LIMS1: variants seen among roughly 807,000 people sequenced by gnomAD.
The protein encoded by LIMS1 is LIM zinc finger domain containing 1.
LIMS1 carries 18 observed loss-of-function variants against 44.1 expected under a neutral mutation model. That is an observed-to-expected ratio of 0.41 (90% CI 0.28 to 0.61). The LOEUF (loss-of-function observed/expected upper bound fraction) is 0.61, where lower values mean the gene tolerates loss of function less well. Ranked by LOEUF, LIMS1 falls within the 20% of genes least tolerant of loss-of-function variation. The pLI, the probability that LIMS1 is intolerant of heterozygous loss-of-function variation, is 0.32. For missense variants in LIMS1, 201 were observed against 422.0 expected, an observed-to-expected ratio of 0.48 and a Z score of 4.59; for synonymous variants, 93 against 149.1, an observed-to-expected ratio of 0.62 and a Z score of 2.74.
chr2:108,613,359 A>T (rs1687763149), intron 1 of LIMS1, among the ~76,000 whole-genome samples: 1 of 152,212 alleles, frequency 6.6e-6, no homozygotes, highest in Non-Finnish European at 1.5e-5. Flanking sequence ...GGCAACATGA[A>T]GTACATCTGG....
chr2:108,631,492 T>A (rs1688916865), intron 1 of LIMS1, among the ~76,000 whole-genome samples: 1 of 152,010 alleles, frequency 6.6e-6, no homozygotes, highest in Non-Finnish European at 1.5e-5. Context: ...AAATATCAAA[T>A]GATTGTATGC....
At chr2:108,588,791 G>T (rs1310501250) in intron 1 of LIMS1, among the ~76,000 whole-genome samples, 1 of 152,200 alleles carries the variant, frequency 6.6e-6, no homozygotes, top group Non-Finnish European at 1.5e-5. Context: ...CCCTGCTGCA[G>T]AGGTTATGAT....
rs10209374 is a variant in LIMS1, at chr2:108,541,164, G to A, written c.32+6570G>A. 4.2e-3 allele frequency among the ~76,000 whole-genome samples: 633 copies of A among 152,318 alleles called. 6 individuals are homozygous for A. The highest frequency in any genetic ancestry group is 0.014 in the African/African-American group (595 of 41,570). On this transcript the variant is annotated intron_variant, in intron 1 of 9. Transcript: ENST00000544547. Reference sequence around the variant, plus strand: ...TGCTTGCAACTTTTTCCTCCCCAGAGAGATCCCTTCCTATTGACGGGCTTC... The same window carrying A: ...TGCTTGCAACTTTTTCCTCCCCAGAAAGATCCCTTCCTATTGACGGGCTTC...
chr2:108,567,720 C>G (rs996507667), intron 1 of LIMS1, among the ~76,000 whole-genome samples: 6 of 152,088 alleles, frequency 3.9e-5, no homozygotes, highest in Non-Finnish European at 5.9e-5. Context: ...TACAGGCATG[C>G]GTCACCATGC....
At chr2:108,588,415 A>C in intron 1 of LIMS1, 1 of 985,470 alleles carries the variant, frequency 1.0e-6, no homozygotes, top group Non-Finnish European at 1.2e-6. Context: ...TGGCCTCCCA[A>C]GCCCTGATAA....
In LIMS1 at chr2:108,663,449, G is replaced by T. The variant is rs1054935691; in HGVS notation, c.192+3685G>T. Among the ~76,000 whole-genome samples, 3 of 152,160 alleles carry T rather than the reference G, an allele frequency of 2.0e-5. No individual in the cohort carries two copies. The East Asian group carries it at 5.8e-4, about 29-fold the overall frequency. ...GGTTCCTAAATCTTTGTGACATCCA[G>T]CATTATCTCCAGTAAAAGAAGTATT... On this transcript the variant is annotated intron_variant, in intron 2 of 9. Transcript: ENST00000544547.
At chr2:108,666,797 A>T (rs11684927) in intron 2 of LIMS1, among the ~76,000 whole-genome samples, 18,180 of 151,864 alleles carry the variant, frequency 0.12, 1,320 homozygotes, top group South Asian at 0.2. Flanking sequence ...CTGAAAAAAA[A>T]AATAATAATA....
chr2:108,675,650 A>G (rs1234171117), intron 5 of LIMS1, among the ~76,000 whole-genome samples: 1 of 152,194 alleles, frequency 6.6e-6, no homozygotes, highest in Non-Finnish European at 1.5e-5. Flanking sequence ...TATGTATCTG[A>G]CCTAGTCTTG....
intron 1 of LIMS1, among the ~76,000 whole-genome samples, chr2:108,609,558 C>G (rs995137698): frequency 6.6e-6 from 1 of 152,236 alleles, no homozygotes; most frequent in Non-Finnish European, 1.5e-5. Flanking sequence ...ATTCTCCTCT[C>G]CATCTAGAAT....
At chr2:108,589,471 T>G (rs1686270812) in intron 1 of LIMS1, among the ~76,000 whole-genome samples, 1 of 152,196 alleles carries the variant, frequency 6.6e-6, no homozygotes, top group Admixed American at 6.5e-5. Flanking sequence ...AAACTCTTAG[T>G]TTCATTGATT....
rs1297720973 is a variant in LIMS1 at position 108,678,351 on chromosome 2, T to C, written c.823+324T>C. On this transcript the variant is annotated intron_variant, in intron 8 of 9. Transcript: ENST00000544547. ...CTAGAACAACGTTTATTAGGAACAG[T>C]TTAATCTGCTATCGTAGTTAGGAAG... The C allele has an allele frequency of 5.6e-5, 24 of 427,698 alleles. No individual in the cohort carries two copies. The East Asian group carries it at 1.2e-3, about 22-fold the overall frequency. The allele number at this position is 427,698 out of a possible 1,614,324, so 26.5% of individuals were successfully genotyped here. A position where few individuals can be genotyped will look rare whatever the true frequency, so the allele number is the denominator to read the frequency against.
chr2:108,542,858 T>C (rs559253762), intron 1 of LIMS1, among the ~76,000 whole-genome samples: 5 of 152,356 alleles, frequency 3.3e-5, no homozygotes, highest in East Asian at 1.9e-4. Flanking sequence ...GGAGAATGCA[T>C]TGGGTAAGAT....
chr2:108,646,300 C>G (rs1193881685), intron 1 of LIMS1, among the ~76,000 whole-genome samples: 1 of 152,194 alleles, frequency 6.6e-6, no homozygotes, highest in Non-Finnish European at 1.5e-5. Flanking sequence ...ACAGTGCAAT[C>G]AAAGTAGAAC....
chr2:108,653,560 C>T (rs1236589015), intron 1 of LIMS1, among the ~76,000 whole-genome samples: 4 of 152,078 alleles, frequency 2.6e-5, no homozygotes, highest in South Asian at 2.1e-4. Context: ...AGGATGGGGA[C>T]GTGAGAAAGA....
intron 1 of LIMS1, among the ~76,000 whole-genome samples, chr2:108,584,698 T>G (rs545841711): frequency 6.6e-6 from 1 of 152,062 alleles, no homozygotes; most frequent in South Asian, 2.1e-4. Context: ...TCTGAGTTGT[T>G]TGAGGATGTG....
At chr2:108,563,604 G>A (rs1400978707) in intron 1 of LIMS1, among the ~76,000 whole-genome samples, 1 of 152,194 alleles carries the variant, frequency 6.6e-6, no homozygotes, top group African/African-American at 2.4e-5. Context: ...GAACAGATGA[G>A]GGGTTGCTTC....
chr2:108,617,043 C>A (rs1031547371), intron 1 of LIMS1, among the ~76,000 whole-genome samples: 1 of 152,128 alleles, frequency 6.6e-6, no homozygotes, highest in Non-Finnish European at 1.5e-5. Flanking sequence ...TTATGTCACA[C>A]AGGGAAATTA....
chr2:108,544,740 C>T (rs1323965475), intron 1 of LIMS1, among the ~76,000 whole-genome samples: 1 of 152,080 alleles, frequency 6.6e-6, no homozygotes, highest in Non-Finnish European at 1.5e-5. Context: ...GGTCATCCAC[C>T]CACTTTGGCC....
chr2:108,681,582 G>T (rs1200289215), intron 9 of LIMS1: 1 of 962,044 alleles, frequency 1.0e-6, no homozygotes, highest in African/African-American at 1.8e-5. Flanking sequence ...TATAAGTGTT[G>T]TTTGATATTT....
Sources: allele counts gnomAD v4.1 joint callset (sites outside exome capture counted in the v4.1 genomes callset), GRCh38; gene constraint gnomAD v4.1.1; transcripts MANE v1.5; gene names NCBI Gene and HGNC (gene_info 2026-07-23, HGNC 2026-07-21).